Variants in ZNF385D observed in about 807,000 individuals in gnomAD.
ZNF385D encodes zinc finger protein 659.
In ZNF385D, 15 loss-of-function variants were observed where a neutral mutation model predicts 35.8. That is an observed-to-expected ratio of 0.42 (90% CI 0.28 to 0.64). The LOEUF is 0.64. Ranked by LOEUF, ZNF385D falls within the 30% of genes least tolerant of loss-of-function variation. The pLI is 0.23. For synonymous variants in ZNF385D, 212 were observed against 186.8 expected (o/e 1.13, Z -1.10); for missense variants, 474 against 494.6 (o/e 0.96, Z 0.39).
chr3:21,687,688 AAC>A (rs371371719), intron 1 of ZNF385D, among the ~76,000 whole-genome samples: 1 of 152,282 alleles, frequency 6.6e-6, no homozygotes, highest in Non-Finnish European at 1.5e-5. Flanking sequence ...TATCATAAAG[AAC>A]AGTTTTATTG....
intron 3 of ZNF385D, among the ~76,000 whole-genome samples, chr3:21,896,927 A>G (rs1264420328): frequency 2.0e-5 from 3 of 152,050 alleles, no homozygotes; most frequent in Non-Finnish European, 2.9e-5. Flanking sequence ...AGGCAGCAAA[A>G]CTTTAAGAAA....
At chr3:21,873,752 G>A (rs936216324) in intron 3 of ZNF385D, among the ~76,000 whole-genome samples, 2 of 152,028 alleles carry the variant, frequency 1.3e-5, no homozygotes, top group African/African-American at 4.8e-5. Flanking sequence ...TTTGTGACTG[G>A]TTTATTTCAC....
At chr3:22,262,449 T>C (rs566323422) in intron 2 of ZNF385D, among the ~76,000 whole-genome samples, 1 of 152,144 alleles carries the variant, frequency 6.6e-6, no homozygotes, top group East Asian at 1.9e-4. Context: ...AATTTCATCT[T>C]TTATTTTAAA....
intron 2 of ZNF385D, among the ~76,000 whole-genome samples, chr3:22,242,722 C>G (rs372682789): frequency 7.3e-5 from 11 of 150,880 alleles, no homozygotes; most frequent in Admixed American, 6.0e-4. Flanking sequence ...AAAACAATCA[C>G]TAAAATATGA....
At chr3:22,224,531 A>C (rs1000445335) in intron 2 of ZNF385D, among the ~76,000 whole-genome samples, 1 of 152,186 alleles carries the variant, frequency 6.6e-6, no homozygotes, top group Non-Finnish European at 1.5e-5. Flanking sequence ...ATATTAAACA[A>C]AACTGCAGCG....
At chr3:22,146,910 C>T (rs1012756401) in intron 3 of ZNF385D, among the ~76,000 whole-genome samples, 8 of 152,166 alleles carry the variant, frequency 5.3e-5, no homozygotes, top group African/African-American at 9.6e-5. Flanking sequence ...TGTTTTGTCT[C>T]GTTTTTACAT....
intron 3 of ZNF385D, among the ~76,000 whole-genome samples, chr3:22,031,857 C>T (rs926249160): frequency 7.2e-5 from 11 of 152,192 alleles, no homozygotes; most frequent in South Asian, 2.1e-4. Context: ...CAATTTCAAA[C>T]TATCTCTTTG....
intron 2 of ZNF385D, among the ~76,000 whole-genome samples, chr3:22,175,209 T>G (rs1694740402): frequency 6.6e-6 from 1 of 152,006 alleles, no homozygotes; most frequent in Non-Finnish European, 1.5e-5. Flanking sequence ...GATTTATTAT[T>G]TGTAAGAATA....
At chr3:21,780,145 T>C (rs75447752) in intron 3 of ZNF385D, among the ~76,000 whole-genome samples, 3,089 of 152,060 alleles carry the variant, frequency 0.02, 48 homozygotes, top group Non-Finnish European at 0.03. Flanking sequence ...CCAACAATAA[T>C]AGTAGGAATA....
rs372779681 is a variant in ZNF385D, at chr3:22,097,989, CTG to C, written c.325+70826_325+70827del. Among the ~76,000 whole-genome samples the C allele has an allele frequency of 3.0e-3, 460 of 152,108 alleles. 1 individual carries two copies. Among genetic ancestry groups the C allele is most frequent in the African/African-American group, 0.01 (427 of 41,528 alleles). On this transcript the variant is annotated intron_variant, in intron 3 of 5. Transcript: ENST00000494108. ...AATGTTAACCAATGACGATTAAAAA[CTG>C]TAACATTTTCCCCACAAAGTTTGAA...
At chr3:22,139,379 T>C (rs1166587046) in intron 3 of ZNF385D, among the ~76,000 whole-genome samples, 3 of 152,074 alleles carry the variant, frequency 2.0e-5, no homozygotes, top group Non-Finnish European at 2.9e-5. Flanking sequence ...TGTCCAACAA[T>C]GATAGACTGG....
chr3:22,104,194 T>C (rs1052239389), intron 3 of ZNF385D, among the ~76,000 whole-genome samples: 3 of 152,142 alleles, frequency 2.0e-5, no homozygotes, highest in Non-Finnish European at 2.9e-5. Context: ...ACCTCCATGA[T>C]GGATTCCAGC....
intron 3 of ZNF385D, among the ~76,000 whole-genome samples, chr3:21,562,473 A>G (rs898253086): frequency 3.9e-5 from 6 of 152,046 alleles, no homozygotes; most frequent in African/African-American, 7.2e-5. Flanking sequence ...TGGATGTAAG[A>G]GGTGAAATTC....
intron 1 of ZNF385D, among the ~76,000 whole-genome samples, chr3:21,698,749 G>A (rs1021854400): frequency 1.3e-5 from 2 of 151,948 alleles, no homozygotes; most frequent in African/African-American, 4.8e-5. Flanking sequence ...AAAGTTTATT[G>A]TCACTGGTCA....
intron 2 of ZNF385D, among the ~76,000 whole-genome samples, chr3:22,320,913 G>T (rs1033349223): frequency 6.6e-6 from 1 of 151,436 alleles, no homozygotes; most frequent in Non-Finnish European, 1.5e-5. Context: ...CTTTTTAATT[G>T]CTTAGATGAT....
At position 22,370,571 on chromosome 3, in the gene ZNF385D, G is replaced by C. The variant is rs78708432; in HGVS notation, c.106+1879C>G. On this transcript the variant is annotated intron_variant, in intron 2 of 5. Transcript: ENST00000494108. ...GAATTTTTCATGGAATTAAAACTTA[G>C]AGAGGTTTATTGCTCTCATTTTTCA... Among the ~76,000 whole-genome samples, 455 of 152,284 alleles carry C rather than the reference G, an allele frequency of 3.0e-3. 2 individuals are homozygous for C. Among genetic ancestry groups the C allele is most frequent in the African/African-American group, 0.01 (430 of 41,546 alleles).
rs139762800 is a variant in ZNF385D, at chr3:22,134,734, G to T, written c.325+34083C>A. Among the ~76,000 whole-genome samples the T allele has an allele frequency of 2.0e-5, 3 of 152,260 alleles. No individual in the cohort carries two copies. The East Asian group carries it at 5.8e-4, about 29-fold the overall frequency. The stretch of plus-strand genomic sequence containing the variant: ...ACTAGAGGCTGAGAAGTCCAAGATT[G>T]AGGGTCCATAGCTGGCAAGGGCCTC... On this transcript the variant is annotated intron_variant, in intron 3 of 5. Coordinates refer to the ZNF385D transcript ENST00000494108.
chr3:22,305,409 T>C (rs982041415), intron 2 of ZNF385D, among the ~76,000 whole-genome samples: 1 of 152,208 alleles, frequency 6.6e-6, no homozygotes, highest in Admixed American at 6.5e-5. Flanking sequence ...ATCTGGTTAC[T>C]ATGCAGTGAC....
chr3:22,245,223 T>G (rs1001298459), intron 2 of ZNF385D, among the ~76,000 whole-genome samples: 1 of 152,136 alleles, frequency 6.6e-6, no homozygotes, highest in African/African-American at 2.4e-5. Context: ...ATATAAATTT[T>G]TCAGCTACAA....
Sources: allele counts gnomAD v4.1 joint callset (sites outside exome capture counted in the v4.1 genomes callset), GRCh38; gene constraint gnomAD v4.1.1; transcripts MANE v1.5; gene names NCBI Gene and HGNC (gene_info 2026-07-23, HGNC 2026-07-21).